The following OR7D2 variants were observed in gnomAD, a reference collection of about 807,000 sequenced individuals.
OR7D2 encodes the protein olfactory receptor family 7 subfamily D member 2, also known as olfactory receptor 7D2.
For missense variants in OR7D2, 370 were observed against 384.1 expected, an observed-to-expected ratio of 0.96 and a Z score of 0.31; for synonymous variants, 158 against 158.7, an observed-to-expected ratio of 1.00 and a Z score of 0.03.
intron 2 of OR7D2, among the ~76,000 whole-genome samples, chr19:9,184,418 A>G (rs1029826576): frequency 6.6e-6 from 1 of 152,064 alleles, no homozygotes; most frequent in African/African-American, 2.4e-5. Flanking sequence ...TCAAAAAATA[A>G]AAAGGAAAAA....
At chr19:9,183,261 A>G (rs2051004344) in intron 2 of OR7D2, among the ~76,000 whole-genome samples, 1 of 152,068 alleles carries the variant, frequency 6.6e-6, no homozygotes, top group African/African-American at 2.4e-5. Flanking sequence ...GCTTTCTGTG[A>G]CTGGTGGGAG....
At position 9,185,944 on chromosome 19, in the gene OR7D2, C is replaced by G. The variant is rs775304623; in HGVS notation, c.163C>G (p.Leu55Val). The change falls in exon 3 of 3, where the codon CTC (leucine) becomes GTC (valine). Residue 55 changes from leucine to valine, a missense_variant. Physicochemically the swap from Leu to Val is conservative, Grantham distance 32. Coordinates refer to ENST00000641288, the MANE Select transcript of OR7D2 (RefSeq NM_175883.4). ...CCTGGCCATCAGCTCTGACTCCCAC[C>G]TCCACACCCCCATGTACTTCTTCCT... is the stretch of plus-strand genomic sequence containing the variant. ...IILAISSDSH[L>V]HTPMYFFLSN... 2.5e-6 allele frequency: 4 copies of G among 1,614,110 alleles called. No homozygotes were observed. Among genetic ancestry groups the G allele is most frequent in the Non-Finnish European group, 3.4e-6 (4 of 1,180,014 alleles).
Position 9,186,689 on chromosome 19 carries a change from G to A in OR7D2, c.908G>A (p.Ser303Asn), listed in dbSNP as rs2051039148. The A allele has an allele frequency of 6.2e-7, 1 of 1,612,950 alleles. No individual in the cohort carries two copies. Among genetic ancestry groups the A allele is most frequent in the Admixed American group, 1.7e-5 (1 of 59,788 alleles). ...AAGGATGTGAAGGGAGCCCTGGGGAGTCTCCTCAGCAGGGCAGCCTCTTGT... is the reference window on the plus strand; with the variant it reads ...AAGGATGTGAAGGGAGCCCTGGGGAATCTCCTCAGCAGGGCAGCCTCTTGT... The part of the protein sequence containing the change: ...RNKDVKGALG[S>N]LLSRAASCL Residue 303 changes from serine (S) to asparagine (N), a missense_variant, in exon 3 of 3, where the codon AGT becomes AAT. Ser to Asn is a conservative substitution (Grantham distance 46). Coordinates refer to ENST00000641288, the MANE Select transcript of OR7D2 (RefSeq NM_175883.4).
rs1043778743 is a variant in OR7D2, at chr19:9,186,960, C to T, written c.*240C>T. 15 of 341,082 alleles carry T rather than the reference C, an allele frequency of 4.4e-5. No homozygotes were observed. Among genetic ancestry groups the T allele is most frequent in the African/African-American group, 3.0e-4 (14 of 46,268 alleles). 21.1% of individuals were successfully genotyped at this position (341,082 alleles called of 1,614,324 possible). On this transcript the variant is annotated 3_prime_UTR_variant, in exon 3 of 3. Coordinates refer to ENST00000641288, the MANE Select transcript of OR7D2 (RefSeq NM_175883.4). ...TTGAGACGGAGTCTCACTCTGTCTC[C>T]CAGGCTGGAGTGCAGTGGAGTGATC...
chr19:9,179,743 T>C (rs1051848102), intron 1 of OR7D2, among the ~76,000 whole-genome samples: 3 of 152,066 alleles, frequency 2.0e-5, no homozygotes, highest in Non-Finnish European at 4.4e-5. Flanking sequence ...CAGTGGCTCA[T>C]GCCTATAATC....
At chr19:9,183,743 G>A (rs1430071176) in intron 2 of OR7D2, among the ~76,000 whole-genome samples, 1 of 148,104 alleles carries the variant, frequency 6.8e-6, no homozygotes, top group Non-Finnish European at 1.5e-5. Flanking sequence ...GGATCACGAG[G>A]TCAGGAGATC....
At position 9,186,618 on chromosome 19, in the gene OR7D2, T is replaced by G; in HGVS notation, c.837T>G (p.Thr279=). ...TCTCCGTGGCCTCGGTGATGTACAC[T>G]GTGGTCACCCCCATGTTGAACCCCT... ...QKISVASVMY[T]VVTPMLNPFI... The change falls in exon 3 of 3, where the codon ACT becomes ACG. Residue 279 remains threonine (T), a synonymous_variant. Transcript: ENST00000641288. 1 of 1,613,618 alleles carries G rather than the reference T, an allele frequency of 6.2e-7. No individual in the cohort carries two copies. The highest frequency in any genetic ancestry group is 8.5e-7 in the Non-Finnish European group (1 of 1,179,866).
At position 9,186,123 on chromosome 19, in the gene OR7D2, C is replaced by T; in HGVS notation, c.342C>T (p.Leu114=). ...TTTTTCCTATTCTGGACACGCTACT[C>T]CTGACCGTGATGGCCTATGACCGGT... The part of the protein sequence containing the change: ...SMFFPILDTL[L]LTVMAYDRFV... The change falls in exon 3 of 3, where the codon CTC becomes CTT. Residue 114 remains leucine, a synonymous_variant. Coordinates refer to ENST00000641288, the MANE Select transcript of OR7D2 (RefSeq NM_175883.4). 2 of 1,614,106 alleles carry T rather than the reference C, an allele frequency of 1.2e-6. No homozygotes were observed. The highest frequency in any genetic ancestry group is 1.7e-6 in the Non-Finnish European group (2 of 1,180,010).
rs545433812 is a variant in OR7D2, at chr19:9,185,801, C to A, written c.20C>A (p.Thr7Lys). The part of the protein sequence containing the change: MEAGNQ[T>K]GFLEFILLGL... ...AGCTACATGGAAGCAGGAAACCAAA[C>A]AGGATTTTTAGAGTTTATCCTTCTC... Residue 7 changes from threonine (T) to lysine (K), a missense_variant, in exon 3 of 3, where the codon ACA (threonine) becomes AAA (lysine). By Grantham distance (78) the Thr-to-Lys change is moderately conservative (BLOSUM62 -1). Coordinates refer to ENST00000641288, the MANE Select transcript of OR7D2 (RefSeq NM_175883.4). 6 of 1,579,382 alleles carry A rather than the reference C, an allele frequency of 3.8e-6. No individual in the cohort carries two copies. In the African/African-American group the frequency reaches 5.4e-5, roughly 14 times the overall value.
intron 1 of OR7D2, among the ~76,000 whole-genome samples, chr19:9,179,853 A>G (rs1293487837): frequency 6.6e-6 from 1 of 151,890 alleles, no homozygotes; most frequent in Non-Finnish European, 1.5e-5. Flanking sequence ...AAAATACAAA[A>G]TTAGCCGGGC....
rs2051036518 is a variant in OR7D2, at chr19:9,186,539, G to A, written c.758G>A (p.Gly253Glu). The change falls in exon 3 of 3, where the codon GGG becomes GAG. Residue 253 changes from glycine to glutamate, a missense_variant. Coordinates refer to ENST00000641288, the MANE Select transcript of OR7D2 (RefSeq NM_175883.4). ...SHLSVVSLFY[G>E]TGIGVHFTSA... is the part of the protein sequence containing the mutation. ...CTCTCCGTCGTTTCTTTATTTTATG[G>A]GACAGGCATTGGGGTCCACTTCACT... The A allele has an allele frequency of 1.2e-6, 2 of 1,613,810 alleles. No homozygotes were observed. The highest frequency in any genetic ancestry group is 1.1e-5 in the South Asian group (1 of 91,054).
At chr19:9,183,403 G>A (rs1290190712) in intron 2 of OR7D2, among the ~76,000 whole-genome samples, 6 of 152,118 alleles carry the variant, frequency 3.9e-5, no homozygotes, top group Non-Finnish European at 8.8e-5. Flanking sequence ...AGCCTCCTGA[G>A]TGGCTGGGAC....
Position 9,185,795 on chromosome 19 carries a change from A to G in OR7D2, c.14A>G (p.Asn5Ser), listed in dbSNP as rs772664287. Residue 5 changes from asparagine to serine, a missense_variant, in exon 3 of 3, where the codon AAC becomes AGC. Physicochemically the swap from Asn to Ser is conservative, Grantham distance 46 (BLOSUM62 1). Coordinates refer to ENST00000641288, the MANE Select transcript of OR7D2 (RefSeq NM_175883.4). MEAG[N>S]QTGFLEFILL... ...TACATCAGCTACATGGAAGCAGGAA[A>G]CCAAACAGGATTTTTAGAGTTTATC... is the stretch of plus-strand genomic sequence containing the variant. 3 of 1,575,006 alleles carry G rather than the reference A, an allele frequency of 1.9e-6. No homozygotes were observed. In the African/African-American group the frequency reaches 4.1e-5, roughly 21 times the overall value.
chr19:9,182,417 C>A (rs547547006), intron 2 of OR7D2: 2 of 313,238 alleles, frequency 6.4e-6, no homozygotes, highest in South Asian at 6.2e-5. Flanking sequence ...CAATTTCAGG[C>A]GCAACTGGGA....
rs1009460244 is a variant in OR7D2 at position 9,188,083 on chromosome 19, T to C, written c.*1363T>C. 1.3e-5 allele frequency: 2 copies of C among 158,014 alleles called. No homozygotes were observed. Among genetic ancestry groups the C allele is most frequent in the Non-Finnish European group, 2.9e-5 (2 of 68,044 alleles). 9.8% of individuals were successfully genotyped at this position (158,014 alleles called of 1,614,324 possible). ...TGCTGGACTGAAAGGTAGTTCTACT[T>C]TTAGTTCTTTTTTTTGTTTTTTTTT... On this transcript the variant is annotated 3_prime_UTR_variant, in exon 3 of 3. Transcript: ENST00000641288.
At position 9,186,403 on chromosome 19, in the gene OR7D2, G is replaced by GT. The variant is rs1419145043; in HGVS notation, c.627dup (p.Pro210SerfsTer126). 2 of 1,613,992 alleles carry GT rather than the reference G, an allele frequency of 1.2e-6. No individual in the cohort carries two copies. Among genetic ancestry groups the GT allele is most frequent in the African/African-American group, 2.7e-5 (2 of 74,894 alleles). ...ATACTTTATGACGGGTGTGCTGGGC[G>GT]TTTTTCCCCTCCTTGGGATCATTTT... On this transcript the variant is annotated frameshift_variant, in exon 3 of 3. Transcript: ENST00000641288. LOFTEE classifies it low-confidence loss of function (END_TRUNC).
chr19:9,186,557 A>G lies in OR7D2; in HGVS notation c.776A>G (p.His259Arg). ...SLFYGTGIGVHFTSAVTHSSQ... is the reference protein window; with the variant it reads ...SLFYGTGIGVRFTSAVTHSSQ... The stretch of plus-strand genomic sequence containing the variant: ...TTTTATGGGACAGGCATTGGGGTCC[A>G]CTTCACTTCTGCGGTGACTCACTCT... Residue 259 changes from histidine to arginine, a missense_variant, in exon 3 of 3, where the codon CAC becomes CGC. His to Arg is a conservative substitution (Grantham distance 29). Coordinates refer to ENST00000641288, the MANE Select transcript of OR7D2 (RefSeq NM_175883.4). The G allele has an allele frequency of 1.2e-6, 2 of 1,614,014 alleles. No homozygotes were observed. Among genetic ancestry groups the G allele is most frequent in the Non-Finnish European group, 8.5e-7 (1 of 1,180,014 alleles).
chr19:9,181,243 G>T (rs1261648628), intron 2 of OR7D2, among the ~76,000 whole-genome samples: 1 of 149,420 alleles, frequency 6.7e-6, no homozygotes, highest in African/African-American at 2.5e-5. Flanking sequence ...TACTATATTA[G>T]TAATATAGTA....
Position 9,186,192 on chromosome 19 carries a change from C to A in OR7D2, c.411C>A (p.Asn137Lys), listed in dbSNP as rs1213213062. 4.3e-6 allele frequency: 7 copies of A among 1,613,918 alleles called. No individual in the cohort carries two copies. The Admixed American group carries it at 6.7e-5, about 15-fold the overall frequency. ...CHPLHYMIIM[N>K]PHLCGLLVFV... is the part of the protein sequence containing the mutation. ...CTCTGCACTATATGATCATCATGAA[C>A]CCCCACCTCTGTGGCCTCCTGGTTT... Residue 137 changes from asparagine to lysine, a missense_variant, in exon 3 of 3, where the codon AAC becomes AAA. Asn to Lys is a moderately conservative substitution (Grantham distance 94). Transcript: ENST00000641288.
Sources: gnomAD v4.1 joint callset for allele counts (sites outside exome capture counted in the v4.1 genomes callset) on GRCh38, gnomAD v4.1.1 for gene constraint, MANE v1.5 for transcripts, NCBI Gene and HGNC (gene_info 2026-07-23, HGNC 2026-07-21) for gene names.